SDK1: variants seen among roughly 807,000 people sequenced by gnomAD.
The protein encoded by SDK1 is protein sidekick-1.
A neutral mutation model predicts 245.5 loss-of-function variants in SDK1; 157 were observed. The observed-to-expected ratio is 0.64, with a 90% CI of 0.56 to 0.73. The LOEUF (loss-of-function observed/expected upper bound fraction) is 0.73. Among genes scored for constraint, SDK1 ranks in the 30% least tolerant of loss-of-function variants. The pLI is 0.00. For missense variants in SDK1, 3,583 were observed against 3,002.3 expected (o/e 1.19, Z -4.52); for synonymous variants, 1,647 against 1,278.5 (o/e 1.29, Z -6.15).
chr7:3,583,337 C>G (rs1047531458), intron 1 of SDK1, among the ~76,000 whole-genome samples: 1 of 152,172 alleles, frequency 6.6e-6, no homozygotes, highest in East Asian at 1.9e-4. Flanking sequence ...TAGAAACTTT[C>G]CTCTTCCGGT....
chr7:3,377,071 A>C (rs1781373483), intron 1 of SDK1, among the ~76,000 whole-genome samples: 2 of 152,150 alleles, frequency 1.3e-5, no homozygotes, highest in Admixed American at 1.3e-4. Context: ...TTATTTTGGC[A>C]ATTACTTTTG....
chr7:3,423,800 A>C (rs1332980993), intron 1 of SDK1, among the ~76,000 whole-genome samples: 1 of 152,206 alleles, frequency 6.6e-6, no homozygotes, highest in Non-Finnish European at 1.5e-5. Context: ...CAACCTTGTA[A>C]AATTTTTCTA....
rs1402899512 is a variant in SDK1, at chr7:4,113,390, G to C, written c.3536G>C (p.Ser1179Thr). The change falls in exon 24 of 45, where the codon AGC becomes ACC. Residue 1179 changes from serine to threonine, a missense_variant. Ser to Thr is a moderately conservative substitution (Grantham distance 58, BLOSUM62 1). Coordinates refer to ENST00000404826, the MANE Select transcript of SDK1 (RefSeq NM_152744.4). ...LQAPPDVAPT[S>T]VTVRTASETS... ...GCCCCACCCGACGTGGCTCCAACCA[G>C]CGTCACGGTCCGTACTGCCAGTGAG... is the stretch of plus-strand genomic sequence containing the variant. 1.2e-6 allele frequency: 2 copies of C among 1,613,958 alleles called. No individual in the cohort carries two copies. Among genetic ancestry groups the C allele is most frequent in the Admixed American group, 1.7e-5 (1 of 60,024 alleles).
chr7:3,678,655 C>T (rs547909224), intron 4 of SDK1, among the ~76,000 whole-genome samples: 8 of 152,260 alleles, frequency 5.3e-5, no homozygotes, highest in African/African-American at 1.9e-4. Context: ...TACTGTGTCA[C>T]AGGTACAGAG....
At chr7:3,378,970 G>C (rs1056894946) in intron 1 of SDK1, among the ~76,000 whole-genome samples, 1 of 152,056 alleles carries the variant, frequency 6.6e-6, no homozygotes, top group Non-Finnish European at 1.5e-5. Flanking sequence ...CAGTTCAAAC[G>C]AGGACTTGCT....
chr7:3,745,076 A>G (rs977619016), intron 4 of SDK1, among the ~76,000 whole-genome samples: 7 of 152,140 alleles, frequency 4.6e-5, no homozygotes, highest in Non-Finnish European at 1.0e-4. Context: ...AAAACTCACA[A>G]AACACTCCAA....
At chr7:3,625,657 G>C (rs1782093553) in intron 2 of SDK1, among the ~76,000 whole-genome samples, 1 of 152,250 alleles carries the variant, frequency 6.6e-6, no homozygotes, top group Non-Finnish European at 1.5e-5. Context: ...ATGGGTGAAA[G>C]AGGAAATTAT....
At chr7:3,574,883 G>A (rs778736948) in intron 1 of SDK1, among the ~76,000 whole-genome samples, 3 of 152,038 alleles carry the variant, frequency 2.0e-5, no homozygotes, top group South Asian at 2.1e-4. Context: ...CAAATTACAC[G>A]AAAGGCATTT....
At chr7:4,177,469 T>G (rs547783181) in intron 34 of SDK1, among the ~76,000 whole-genome samples, 9 of 152,238 alleles carry the variant, frequency 5.9e-5, no homozygotes, top group Non-Finnish European at 1.3e-4. Context: ...CCACGCCCGT[T>G]CTTTCCCAGG....
intron 1 of SDK1, among the ~76,000 whole-genome samples, chr7:3,479,837 G>A (rs898237646): frequency 2.0e-5 from 3 of 151,448 alleles, no homozygotes; most frequent in South Asian, 2.1e-4. Flanking sequence ...ACTCTGGCTT[G>A]GGCATCAGAG....
intron 17 of SDK1, among the ~76,000 whole-genome samples, chr7:4,040,061 G>T (rs1788502422): frequency 6.6e-6 from 1 of 152,114 alleles, no homozygotes; most frequent in South Asian, 2.1e-4. Context: ...GGTTTTTGCA[G>T]CAAAAAAGCT....
chr7:3,479,102 A>G (rs1583919880), intron 1 of SDK1, among the ~76,000 whole-genome samples: 1 of 152,144 alleles, frequency 6.6e-6, no homozygotes, highest in African/African-American at 2.4e-5. Flanking sequence ...CTTTTCATAA[A>G]TGTTTCACAT....
intron 17 of SDK1, among the ~76,000 whole-genome samples, chr7:4,018,365 T>G (rs560760833): frequency 6.6e-5 from 10 of 152,344 alleles, no homozygotes; most frequent in South Asian, 4.1e-4. Flanking sequence ...TGACTGGCTG[T>G]CTGTTGTCAT....
chr7:4,087,761 C>T (rs188614640), intron 22 of SDK1, among the ~76,000 whole-genome samples: 1 of 152,160 alleles, frequency 6.6e-6, no homozygotes, highest in African/African-American at 2.4e-5. Flanking sequence ...CTGGTTCCCC[C>T]CTTTTTTAGC....
chr7:4,126,189 C>A (rs183834944), intron 25 of SDK1, among the ~76,000 whole-genome samples: 2 of 152,200 alleles, frequency 1.3e-5, no homozygotes, highest in Non-Finnish European at 2.9e-5. Context: ...ACAGGGCCTT[C>A]CCTGACTGCT....
intron 5 of SDK1, among the ~76,000 whole-genome samples, chr7:3,855,542 A>T (rs1297946632): frequency 6.6e-6 from 1 of 152,208 alleles, no homozygotes; most frequent in East Asian, 1.9e-4. Context: ...TATCAACAGA[A>T]GACTAGGAGA....
chr7:3,580,083 C>G (rs1780431769), intron 1 of SDK1, among the ~76,000 whole-genome samples: 1 of 152,098 alleles, frequency 6.6e-6, no homozygotes, highest in African/African-American at 2.4e-5. Context: ...TACAGCTAAC[C>G]AGGGAGCCAA....
At chr7:4,212,326 GA>G (rs1784552658) in intron 38 of SDK1, among the ~76,000 whole-genome samples, 2 of 151,732 alleles carry the variant, frequency 1.3e-5, no homozygotes, top group Non-Finnish European at 2.9e-5. Flanking sequence ...TGCTCAGAAA[GA>G]AAAAATGCTC....
At chr7:3,676,433 C>G (rs1243302681) in intron 4 of SDK1, among the ~76,000 whole-genome samples, 2 of 151,134 alleles carry the variant, frequency 1.3e-5, no homozygotes, top group Non-Finnish European at 1.5e-5. Flanking sequence ...TCACACCATT[C>G]TCCTGCCTCA....
Sources: gnomAD v4.1 joint callset for allele counts (sites outside exome capture counted in the v4.1 genomes callset) on GRCh38, gnomAD v4.1.1 for gene constraint, MANE v1.5 for transcripts, NCBI Gene and HGNC (gene_info 2026-07-23, HGNC 2026-07-21) for gene names.